Variants in PPM1L observed in about 807,000 individuals in gnomAD.
The protein encoded by PPM1L is protein phosphatase, Mg2+/Mn2+ dependent 1L.
PPM1L carries 13 observed loss-of-function variants against 31.4 expected under a neutral mutation model. The ratio of observed to expected loss-of-function variants is 0.41; its 90% CI spans 0.27 to 0.66. The LOEUF is 0.66. Ranked by LOEUF, PPM1L falls within the 30% of genes least tolerant of loss-of-function variation. The pLI is 0.29. For missense variants in PPM1L, 326 were observed against 453.7 expected, an observed-to-expected ratio of 0.72 and a Z score of 2.56; for synonymous variants, 184 against 175.4, an observed-to-expected ratio of 1.05 and a Z score of -0.39.
intron 2 of PPM1L, among the ~76,000 whole-genome samples, chr3:161,021,410 C>T (rs985852144): frequency 6.6e-6 from 1 of 151,854 alleles, no homozygotes; most frequent in Non-Finnish European, 1.5e-5. Flanking sequence ...ATGTTTCTAA[C>T]CCTTTTAAAT....
intron 1 of PPM1L, among the ~76,000 whole-genome samples, chr3:160,906,579 C>A (rs1713765946): frequency 6.8e-6 from 1 of 147,212 alleles, no homozygotes; most frequent in South Asian, 2.1e-4. Flanking sequence ...TCCAGCCTGA[C>A]AACAGAGTGA....
intron 1 of PPM1L, among the ~76,000 whole-genome samples, chr3:160,758,452 T>A (rs1356288343): frequency 6.6e-6 from 1 of 152,204 alleles, no homozygotes; most frequent in African/African-American, 2.4e-5. Context: ...CTGGTGATAA[T>A]CTGCTTCTGG....
At chr3:161,013,164 G>A (rs1717954365) in intron 2 of PPM1L, among the ~76,000 whole-genome samples, 1 of 152,164 alleles carries the variant, frequency 6.6e-6, no homozygotes, top group South Asian at 2.1e-4. Flanking sequence ...GGCATTTAGT[G>A]CTGTAAATTT....
At chr3:160,940,858 A>T (rs533410730) in intron 1 of PPM1L, among the ~76,000 whole-genome samples, 1 of 152,234 alleles carries the variant, frequency 6.6e-6, no homozygotes, top group Middle Eastern at 3.4e-3. Flanking sequence ...CAGATCCCAG[A>T]ATGGTAGATC....
chr3:160,941,178 AG>A (rs2108087367), intron 1 of PPM1L, among the ~76,000 whole-genome samples: 1 of 152,292 alleles, frequency 6.6e-6, no homozygotes, highest in Non-Finnish European at 1.5e-5. Context: ...CATTGTATCT[AG>A]GAAGTAAATA....
intron 1 of PPM1L, among the ~76,000 whole-genome samples, chr3:160,854,716 A>G (rs1349449532): frequency 1.3e-5 from 2 of 152,114 alleles, no homozygotes; most frequent in African/African-American, 4.8e-5. Flanking sequence ...GAGATAACAA[A>G]CAAATGAAAA....
chr3:160,894,620 G>A (rs1713272858), intron 1 of PPM1L, among the ~76,000 whole-genome samples: 1 of 152,158 alleles, frequency 6.6e-6, no homozygotes, highest in African/African-American at 2.4e-5. Context: ...GCCAGTTAGT[G>A]GCAGAGCTGA....
chr3:161,040,011 C>T (rs1432627497), intron 2 of PPM1L, among the ~76,000 whole-genome samples: 1 of 152,166 alleles, frequency 6.6e-6, no homozygotes, highest in Non-Finnish European at 1.5e-5. Flanking sequence ...TCTCAGGCAA[C>T]ATATACCTCT....
rs113273287 is a variant in PPM1L at position 160,756,752 on chromosome 3, CGTGTGTGTGT to C, written c.399+74_399+83del. ...TTTGTATTTGTGTCCGTGTATGTCT[CGTGTGTGTGT>C]GTGTGTGTGTGTGTGTGTGTGTGTG... On this transcript the variant is annotated intron_variant, in intron 1 of 3. Coordinates refer to ENST00000498165, the MANE Select transcript of PPM1L (RefSeq NM_139245.4). The surrounding 1 kb of genome is among the most constrained non-coding windows in gnomAD (Gnocchi z 6.2). The C allele has an allele frequency of 1.8e-3, 1,854 of 1,016,758 alleles. 13 individuals carry two copies. The African/African-American group carries it at 0.027, about 15-fold the overall frequency. 63.0% of individuals were successfully genotyped at this position (1,016,758 alleles called of 1,614,324 possible).
At chr3:160,768,958 C>G (rs139929452) in intron 1 of PPM1L, among the ~76,000 whole-genome samples, 87 of 152,322 alleles carry the variant, frequency 5.7e-4, no homozygotes, top group Non-Finnish European at 1.1e-3. Flanking sequence ...CTTTGTATAA[C>G]TACATCCAGA....
At chr3:160,858,475 G>T (rs1457156619) in intron 1 of PPM1L, among the ~76,000 whole-genome samples, 1 of 152,132 alleles carries the variant, frequency 6.6e-6, no homozygotes, top group African/African-American at 2.4e-5. Context: ...CTGAACTCCT[G>T]ACCTCAGGTG....
At chr3:160,891,823 A>G (rs1713156713) in intron 1 of PPM1L, among the ~76,000 whole-genome samples, 3 of 152,240 alleles carry the variant, frequency 2.0e-5, no homozygotes. Flanking sequence ...AGTCATAAAA[A>G]GGATGAAATT....
chr3:160,845,360 T>C, intron 1 of PPM1L, among the ~76,000 whole-genome samples: 1 of 152,088 alleles, frequency 6.6e-6, no homozygotes, highest in East Asian at 1.9e-4. Context: ...TATCATTGAA[T>C]TGTAAGAGTT....
chr3:160,780,536 G>T (rs1711712301), intron 1 of PPM1L, among the ~76,000 whole-genome samples: 1 of 152,208 alleles, frequency 6.6e-6, no homozygotes, highest in South Asian at 2.1e-4. Context: ...CTGCTTGAGT[G>T]CATGGAGTGG....
chr3:160,950,374 G>A (rs908340039), intron 1 of PPM1L, among the ~76,000 whole-genome samples: 3 of 152,178 alleles, frequency 2.0e-5, no homozygotes, highest in African/African-American at 7.2e-5. Flanking sequence ...ATTTGGGGAT[G>A]GGGATCCTTT....
At chr3:160,920,389 T>C (rs561711227) in intron 1 of PPM1L, among the ~76,000 whole-genome samples, 9 of 152,296 alleles carry the variant, frequency 5.9e-5, no homozygotes, top group Middle Eastern at 6.8e-3. Flanking sequence ...GCCTTTTCTT[T>C]CACAATGGGG....
intron 2 of PPM1L, among the ~76,000 whole-genome samples, chr3:160,980,890 C>T (rs574210617): frequency 1.3e-5 from 2 of 152,032 alleles, no homozygotes; most frequent in Non-Finnish European, 2.9e-5. Context: ...CAATGATAGT[C>T]TTTCTCTTGT....
At chr3:161,017,613 G>A (rs1718122735) in intron 2 of PPM1L, among the ~76,000 whole-genome samples, 1 of 152,090 alleles carries the variant, frequency 6.6e-6, no homozygotes, top group Non-Finnish European at 1.5e-5. Flanking sequence ...AATTGTCGTG[G>A]GAGGTTGAAA....
chr3:160,905,654 C>G (rs1297636403), intron 1 of PPM1L, among the ~76,000 whole-genome samples: 1 of 152,114 alleles, frequency 6.6e-6, no homozygotes, highest in East Asian at 1.9e-4. Context: ...GAGACAGATG[C>G]AGTTTATTTT....
Sources: allele counts gnomAD v4.1 joint callset (sites outside exome capture counted in the v4.1 genomes callset), GRCh38; gene constraint gnomAD v4.1.1; non-coding constraint Gnocchi (gnomAD v3.1); transcripts MANE v1.5; gene names NCBI Gene and HGNC (gene_info 2026-07-23, HGNC 2026-07-21).